Variants in UBN2 observed in about 807,000 individuals in gnomAD.
The protein encoded by UBN2 is ubinuclein-2.
UBN2 carries 35 observed loss-of-function variants against 120.2 expected under a neutral mutation model. The observed-to-expected ratio is 0.29, with a 90% CI of 0.22 to 0.39. The LOEUF is 0.39. UBN2 is among the 10% of genes least tolerant of loss of function. The pLI is 1.00. For missense variants in UBN2, 1,693 were observed against 1,663.2 expected (o/e 1.02, Z -0.31); for synonymous variants, 661 against 648.7 (o/e 1.02, Z -0.29).
intron 10 of UBN2, 101 bp downstream of exon 10, chr7:139,273,511 C>A: frequency 1.2e-6 from 1 of 802,388 alleles, no homozygotes; most frequent in Non-Finnish European, 1.8e-6. Flanking sequence ...TGGAAGCAAC[C>A]AAAGATTAGT....
the UBN2 span, among the ~76,000 whole-genome samples, chr7:139,321,632 A>G: frequency 6.6e-6 from 1 of 151,682 alleles, no homozygotes; most frequent in Admixed American, 6.6e-5. Context: ...CAGGTACCCT[A>G]GTGTCCAGCT....
chr7:139,326,917 G>A, the UBN2 span, among the ~76,000 whole-genome samples: 1 of 152,202 alleles, frequency 6.6e-6, no homozygotes. Context: ...GCAGGATTTG[G>A]GTGAGGTTGT....
chr7:139,300,183 A>G lies in UBN2; in HGVS notation c.*2347A>G, dbSNP rs549377033. On this transcript the variant is annotated 3_prime_UTR_variant, in exon 18 of 18. Coordinates refer to ENST00000473989, the MANE Select transcript of UBN2 (RefSeq NM_173569.4). Reference sequence around the variant, plus strand: ...AAATATCTGAAGGCCCTTGGCTCCAAGAATACAATGTGGAGATTCTTCTGT... The same window carrying G: ...AAATATCTGAAGGCCCTTGGCTCCAGGAATACAATGTGGAGATTCTTCTGT... 1 of 152,310 alleles carries G rather than the reference A, an allele frequency of 6.6e-6. No individual in the cohort carries two copies. Among genetic ancestry groups the G allele is most frequent in the Admixed American group, 6.5e-5 (1 of 15,298 alleles). 9.4% of individuals were successfully genotyped at this position (152,310 alleles called of 1,614,324 possible).
At chr7:139,279,488 C>G (rs1442493322) in intron 13 of UBN2, 128 bp downstream of exon 13, 3 of 655,406 alleles carry the variant, frequency 4.6e-6, no homozygotes, top group East Asian at 2.8e-5. Flanking sequence ...TTTTCAACTT[C>G]ATAATAATCT....
downstream of UBN2, among the ~76,000 whole-genome samples, chr7:139,311,768 A>G (rs1798451981): frequency 6.6e-6 from 1 of 152,206 alleles, no homozygotes; most frequent in Non-Finnish European, 1.5e-5. Flanking sequence ...ACAGGCATAG[A>G]TAGATAGCAG....
the UBN2 span, among the ~76,000 whole-genome samples, chr7:139,322,472 A>G: frequency 3.3e-5 from 5 of 152,170 alleles, no homozygotes; most frequent in African/African-American, 4.8e-5. Context: ...AAAAGGCTGC[A>G]TGGGAGTGTA....
intron 1 of UBN2, among the ~76,000 whole-genome samples, chr7:139,235,406 A>T (rs980187585): frequency 1.3e-5 from 2 of 151,904 alleles, no homozygotes; most frequent in Admixed American, 6.6e-5. Flanking sequence ...TTATTTATTT[A>T]TTTTTTTGAG....
At chr7:139,237,976 T>C (rs1266005127) in intron 2 of UBN2, among the ~76,000 whole-genome samples, 1 of 152,234 alleles carries the variant, frequency 6.6e-6, no homozygotes, top group Non-Finnish European at 1.5e-5. Flanking sequence ...ATAGTGGTGT[T>C]TGTTTGAATA....
At chr7:139,328,893 C>A in the UBN2 span, among the ~76,000 whole-genome samples, 13 of 151,578 alleles carry the variant, frequency 8.6e-5, no homozygotes, top group Non-Finnish European at 1.5e-4. Context: ...ATTAGAAACC[C>A]ATCAGTAGAA....
intron 15 of UBN2, among the ~76,000 whole-genome samples, chr7:139,290,854 T>C (rs1272552604): frequency 6.6e-6 from 1 of 152,182 alleles, no homozygotes; most frequent in Non-Finnish European, 1.5e-5. Flanking sequence ...TATAAATATA[T>C]GTAATGTTAT....
At chr7:139,320,320 G>A in the UBN2 span, among the ~76,000 whole-genome samples, 1 of 151,574 alleles carries the variant, frequency 6.6e-6, no homozygotes, top group South Asian at 2.1e-4. Context: ...AAATTAGCCC[G>A]GCGTGGTGGC....
In UBN2 at chr7:139,281,548, A is replaced by C. The variant is rs192992799; in HGVS notation, c.2068-457A>C. 2.1e-4 allele frequency among the ~76,000 whole-genome samples: 32 copies of C among 152,132 alleles called. 1 individual carries two copies. Among genetic ancestry groups the C allele is most frequent in the Admixed American group, 2.0e-3 (30 of 15,272 alleles). The stretch of plus-strand genomic sequence containing the variant: ...CATCCATCTATCCAATCAGCTATCT[A>C]TTTATTTAGTCTTTTATATAAATGG... On this transcript the variant is annotated intron_variant, in intron 13 of 17. Coordinates refer to ENST00000473989, the MANE Select transcript of UBN2 (RefSeq NM_173569.4).
Position 139,292,156 on chromosome 7 carries a change from A to G in UBN2, c.3670-1076A>G, listed in dbSNP as rs998177076. On this transcript the variant is annotated intron_variant, in intron 15 of 17. Transcript: ENST00000473989. ...GTAGTCTTAGCTACTCGGGAGGCTG[A>G]GGTGAGAGGATCACTTGAGCCTCCA... Among the ~76,000 whole-genome samples, 7 of 152,242 alleles carry G rather than the reference A, an allele frequency of 4.6e-5. 1 individual carries two copies. In the East Asian group the frequency reaches 1.4e-3, roughly 29 times the overall value.
At chr7:139,324,438 C>T in the UBN2 span, among the ~76,000 whole-genome samples, 1 of 151,360 alleles carries the variant, frequency 6.6e-6, no homozygotes, top group Non-Finnish European at 1.5e-5. Context: ...CCCCTGTAGT[C>T]CCAGCTACTC....
intron 11 of UBN2, among the ~76,000 whole-genome samples, chr7:139,275,515 G>A (rs1226668990): frequency 2.6e-5 from 4 of 151,678 alleles, no homozygotes; most frequent in African/African-American, 7.3e-5. Flanking sequence ...CCTGGGAGGC[G>A]GAGGTTGCAG....
Position 139,307,589 on chromosome 7 carries a change from G to A in UBN2, c.*9753G>A, listed in dbSNP as rs1324193461. ...TATAAGGCTCTTTTGAGATGAACTGGTGCTTGTTTAATTTCCAGCTCAAAT... is the reference window on the plus strand; with the variant it reads ...TATAAGGCTCTTTTGAGATGAACTGATGCTTGTTTAATTTCCAGCTCAAAT... On this transcript the variant is annotated 3_prime_UTR_variant, in exon 18 of 18. Coordinates refer to ENST00000473989, the MANE Select transcript of UBN2 (RefSeq NM_173569.4). 6.6e-6 allele frequency: 1 copy of A among 152,088 alleles called. No individual in the cohort carries two copies. Among genetic ancestry groups the A allele is most frequent in the Non-Finnish European group, 1.5e-5 (1 of 68,038 alleles). The allele number at this position is 152,088 out of a possible 1,614,324, so 9.4% of individuals were successfully genotyped here.
chr7:139,258,766 AAAATT>A (rs1406767974), intron 4 of UBN2, 141 bp downstream of exon 4: 2 of 696,476 alleles, frequency 2.9e-6, no homozygotes, highest in Non-Finnish European at 4.1e-6. Context: ...TACATGCTTT[AAAATT>A]AAATTATGTA....
At chr7:139,329,950 C>G in the UBN2 span, among the ~76,000 whole-genome samples, 1 of 152,124 alleles carries the variant, frequency 6.6e-6, no homozygotes. Flanking sequence ...TACCAAGGTG[C>G]AATGACTAAG....
Position 139,284,530 on chromosome 7 carries a change from C to T in UBN2, c.3625C>T (p.Pro1209Ser). 1 of 1,613,684 alleles carries T rather than the reference C, an allele frequency of 6.2e-7. No homozygotes were observed. The highest frequency in any genetic ancestry group is 8.5e-7 in the Non-Finnish European group (1 of 1,179,958). Residue 1209 changes from proline (P) to serine (S), a missense_variant, in exon 15 of 18, where the codon CCA (proline) becomes TCA (serine). By Grantham distance (74) the Pro-to-Ser change is moderately conservative (BLOSUM62 -1). Coordinates refer to ENST00000473989, the MANE Select transcript of UBN2 (RefSeq NM_173569.4). ...CAAACCATTGTCTACTCCACATAGA[C>T]CATCCACTGCCTCAGGGTCTTCAGT... ...ATKPLSTPHR[P>S]STASGSSVVT...
Sources: gnomAD v4.1 joint callset for allele counts (sites outside exome capture counted in the v4.1 genomes callset) on GRCh38, gnomAD v4.1.1 for gene constraint, MANE v1.5 for transcripts, NCBI Gene and HGNC (gene_info 2026-07-23, HGNC 2026-07-21) for gene names.